The following WASHC5 variants were observed in gnomAD, a reference collection of about 807,000 sequenced individuals.
The protein encoded by WASHC5 is WASH complex subunit strumpellin.
In WASHC5, 101 loss-of-function variants were observed where a neutral mutation model predicts 150.4. That is an observed-to-expected ratio of 0.67 (90% CI 0.57 to 0.79). WASHC5 has a LOEUF of 0.79. Ranked by LOEUF, WASHC5 falls within the 30% of genes least tolerant of loss-of-function variation. The pLI, the probability that WASHC5 is intolerant of heterozygous loss-of-function variation, is 0.00. For missense variants in WASHC5, 1,195 were observed against 1,396.3 expected (o/e 0.86, Z 2.30); for synonymous variants, 467 against 491.2 (o/e 0.95, Z 0.65).
At chr8:125,060,290 C>T (rs1360626357) in intron 12 of WASHC5, among the ~76,000 whole-genome samples, 1 of 152,028 alleles carries the variant, frequency 6.6e-6, no homozygotes, top group Admixed American at 6.6e-5. Flanking sequence ...AGTTTGAGAC[C>T]AACCTGGCTA....
chr8:125,090,494 G>A (rs756531887), intron 1 of WASHC5, among the ~76,000 whole-genome samples: 55 of 152,084 alleles, frequency 3.6e-4, no homozygotes, highest in Non-Finnish European at 6.8e-4. Flanking sequence ...CTCAATACAG[G>A]CTATATTATT....
chr8:125,081,231 TCTTA>T (rs1337027852), intron 5 of WASHC5, among the ~76,000 whole-genome samples: 2 of 148,910 alleles, frequency 1.3e-5, no homozygotes, highest in Admixed American at 7.0e-5. Context: ...GACATAAGAA[TCTTA>T]CTTTTTTTTT....
chr8:125,024,735 T>A, intron 28 of WASHC5, 62 bp from the exon 29 acceptor site: 1 of 1,131,692 alleles, frequency 8.8e-7, no homozygotes, highest in Non-Finnish European at 1.3e-6. Flanking sequence ...AAAATTTTCA[T>A]ACGTAAAAGA....
At chr8:125,062,037 G>C (rs1816609164) in intron 11 of WASHC5, among the ~76,000 whole-genome samples, 2 of 152,030 alleles carry the variant, frequency 1.3e-5, no homozygotes, top group Admixed American at 1.3e-4. Context: ...TTTATCAATG[G>C]GGTGGTCCCA....
At chr8:125,035,595 A>G (rs1815680111) in intron 26 of WASHC5, among the ~76,000 whole-genome samples, 1 of 152,240 alleles carries the variant, frequency 6.6e-6, no homozygotes, top group Non-Finnish European at 1.5e-5. Flanking sequence ...TGACTTGGCC[A>G]AAGTCACATA....
chr8:125,064,812 C>T (rs966734335), intron 10 of WASHC5, among the ~76,000 whole-genome samples: 1 of 152,056 alleles, frequency 6.6e-6, no homozygotes, highest in Non-Finnish European at 1.5e-5. Flanking sequence ...AGGGAGACTC[C>T]ATCTGCAGGT....
intron 5 of WASHC5, among the ~76,000 whole-genome samples, chr8:125,081,242 T>C (rs1469883170): frequency 6.7e-6 from 1 of 149,862 alleles, no homozygotes; most frequent in Non-Finnish European, 1.5e-5. Flanking sequence ...CTTACTTTTT[T>C]TTTTTTTTTT....
At chr8:125,032,619 T>C in intron 26 of WASHC5, 1 of 564,662 alleles carries the variant, frequency 1.8e-6, no homozygotes, top group Non-Finnish European at 3.2e-6. Context: ...TTACTAAATT[T>C]TGTAATTATC....
intron 26 of WASHC5, among the ~76,000 whole-genome samples, chr8:125,034,423 A>G (rs993087808): frequency 2.2e-4 from 34 of 152,186 alleles, no homozygotes; most frequent in African/African-American, 8.2e-4. Context: ...GAACTGCTTG[A>G]ACCCAGGAGG....
chr8:125,085,086 T>G (rs1817381077), intron 1 of WASHC5, among the ~76,000 whole-genome samples: 1 of 152,206 alleles, frequency 6.6e-6, no homozygotes, highest in Non-Finnish European at 1.5e-5. Flanking sequence ...AATACTAGGG[T>G]TACAAGAGGT....
chr8:125,025,833 G>GACAGACACACACAC (rs1554589284), intron 28 of WASHC5, among the ~76,000 whole-genome samples: 2 of 148,036 alleles, frequency 1.4e-5, no homozygotes, highest in African/African-American at 5.0e-5. Flanking sequence ...TATGCAGACA[G>GACAGACACACACAC]ACACACACAC....
At chr8:125,033,652 G>A (rs896262849) in intron 26 of WASHC5, among the ~76,000 whole-genome samples, 3 of 151,850 alleles carry the variant, frequency 2.0e-5, no homozygotes, top group Non-Finnish European at 4.4e-5. Context: ...AGGTTCTAGC[G>A]ATTCTCCTGC....
chr8:125,090,294 T>C (rs933886195), intron 1 of WASHC5, among the ~76,000 whole-genome samples: 2 of 152,188 alleles, frequency 1.3e-5, no homozygotes, highest in African/African-American at 4.8e-5. Context: ...AGAACCATCA[T>C]TAAAAATGCC....
intron 9 of WASHC5, among the ~76,000 whole-genome samples, chr8:125,071,363 G>C (rs1322279827): frequency 6.6e-6 from 1 of 152,198 alleles, no homozygotes; most frequent in Non-Finnish European, 1.5e-5. Context: ...ATCTGAACTT[G>C]ATGGTCAAAC....
Position 125,052,609 on chromosome 8 carries a change from TACAC to T in WASHC5, c.2098-1948_2098-1945del, listed in dbSNP as rs34684600. Among the ~76,000 whole-genome samples the T allele has an allele frequency of 2.5e-3, 359 of 141,834 alleles. 1 individual carries two copies. Among genetic ancestry groups the T allele is most frequent in the African/African-American group, 8.1e-3 (289 of 35,864 alleles). 93.0% of individuals were successfully genotyped at this position (141,834 alleles called of 152,430 possible). A position where few individuals can be genotyped will look rare whatever the true frequency, so the allele number is the denominator to read the frequency against. Reference sequence around the variant, plus strand: ...TTGCATGCATGTATATCACACACACTACACACACACACACACACACACACACACA... The same window carrying T: ...TTGCATGCATGTATATCACACACACTACACACACACACACACACACACACA... On this transcript the variant is annotated intron_variant, in intron 17 of 28. Coordinates refer to ENST00000318410, the MANE Select transcript of WASHC5 (RefSeq NM_014846.4).
chr8:125,027,902 AGTT>A (rs1815418092), intron 28 of WASHC5, among the ~76,000 whole-genome samples: 1 of 152,228 alleles, frequency 6.6e-6, no homozygotes, highest in African/African-American at 2.4e-5. Context: ...GAGTCTGTAT[AGTT>A]GTCATGACAC....
chr8:125,084,651 A>G (rs1817366836), intron 1 of WASHC5, among the ~76,000 whole-genome samples: 1 of 152,256 alleles, frequency 6.6e-6, no homozygotes, highest in Non-Finnish European at 1.5e-5. Context: ...GCACTCTCTG[A>G]GGATGGTTAG....
At chr8:125,054,179 G>T (rs978189132) in intron 17 of WASHC5, among the ~76,000 whole-genome samples, 6 of 152,220 alleles carry the variant, frequency 3.9e-5, no homozygotes, top group Non-Finnish European at 8.8e-5. Context: ...GGGCACAGGT[G>T]TCTGTCCCAA....
rs1183763577 is a variant in WASHC5 at position 125,032,552 on chromosome 8, G to A, written c.3182-158C>T. On this transcript the variant is annotated intron_variant, in intron 26 of 28. Coordinates refer to ENST00000318410, the MANE Select transcript of WASHC5 (RefSeq NM_014846.4). Reference sequence around the variant, plus strand: ...CAATTCTGGGCCATATTTTGAATTAGCCACAGGATTGGTAGGGCATTCCAG... The same window carrying A: ...CAATTCTGGGCCATATTTTGAATTAACCACAGGATTGGTAGGGCATTCCAG... 8 of 839,486 alleles carry A rather than the reference G, an allele frequency of 9.5e-6. No homozygotes were observed. The East Asian group carries it at 1.8e-4, about 19-fold the overall frequency. 52.0% of individuals were successfully genotyped at this position (839,486 alleles called of 1,614,324 possible).
Sources: gnomAD v4.1 joint callset for allele counts (sites outside exome capture counted in the v4.1 genomes callset) on GRCh38, gnomAD v4.1.1 for gene constraint, MANE v1.5 for transcripts, NCBI Gene and HGNC (gene_info 2026-07-23, HGNC 2026-07-21) for gene names.